TMEM132C: variants seen among roughly 807,000 people sequenced by gnomAD.
The protein encoded by TMEM132C is transmembrane protein 132C.
TMEM132C carries 29 observed loss-of-function variants against 61.4 expected under a neutral mutation model. That is an observed-to-expected ratio of 0.47 (90% CI 0.35 to 0.64). TMEM132C has a LOEUF of 0.64. TMEM132C is among the 30% of genes least tolerant of loss of function. The pLI is 0.00. For missense variants in TMEM132C, 1,408 were observed against 1,476.9 expected, an observed-to-expected ratio of 0.95 and a Z score of 0.76; for synonymous variants, 656 against 633.1, an observed-to-expected ratio of 1.04 and a Z score of -0.54.
At chr12:128,420,180 G>C (rs138364982) in intron 2 of TMEM132C, among the ~76,000 whole-genome samples, 1 of 152,128 alleles carries the variant, frequency 6.6e-6, no homozygotes, top group African/African-American at 2.4e-5. Flanking sequence ...TGGGTGACAA[G>C]AGTGACACTC....
At chr12:128,485,735 C>A (rs1237679807) in intron 2 of TMEM132C, among the ~76,000 whole-genome samples, 4 of 152,188 alleles carry the variant, frequency 2.6e-5, no homozygotes, top group African/African-American at 9.7e-5. Context: ...ATGCAATGAA[C>A]CTCCAGTCTC....
chr12:128,330,216 G>A (rs1048249687), intron 1 of TMEM132C, among the ~76,000 whole-genome samples: 2 of 152,140 alleles, frequency 1.3e-5, no homozygotes, highest in Admixed American at 6.6e-5. Context: ...CCCCCAGCAT[G>A]TGCACATAAA....
intron 5 of TMEM132C, among the ~76,000 whole-genome samples, chr12:128,692,886 T>C (rs77784075): frequency 0.016 from 2,506 of 152,308 alleles, 70 homozygotes; most frequent in East Asian, 0.1. Context: ...TTCTGCTTTG[T>C]CTCATCCCTT....
At chr12:128,532,620 G>A (rs1490256179) in intron 2 of TMEM132C, among the ~76,000 whole-genome samples, 1 of 116,850 alleles carries the variant, frequency 8.6e-6, no homozygotes, top group Non-Finnish European at 1.6e-5. Flanking sequence ...CAGCCTGGGT[G>A]ACAGAGTGAG....
chr12:128,290,774 A>G (rs1212457427), intron 1 of TMEM132C, among the ~76,000 whole-genome samples: 1 of 152,020 alleles, frequency 6.6e-6, no homozygotes, highest in Non-Finnish European at 1.5e-5. Flanking sequence ...ATGATCCCTT[A>G]AAGATCCTGT....
intron 4 of TMEM132C, among the ~76,000 whole-genome samples, chr12:128,629,962 G>A (rs1368107700): frequency 1.3e-4 from 17 of 129,648 alleles, no homozygotes; most frequent in African/African-American, 4.3e-4. Flanking sequence ...GCAAAACTCC[G>A]TCTAAATTAA....
chr12:128,359,041 C>T (rs1259109842), intron 1 of TMEM132C, among the ~76,000 whole-genome samples: 1 of 152,128 alleles, frequency 6.6e-6, no homozygotes, highest in African/African-American at 2.4e-5. Flanking sequence ...TAATAGTATT[C>T]CATCTTACAG....
At chr12:128,321,439 G>T (rs1872330225) in intron 1 of TMEM132C, among the ~76,000 whole-genome samples, 1 of 152,186 alleles carries the variant, frequency 6.6e-6, no homozygotes, top group Non-Finnish European at 1.5e-5. Context: ...CAAAATGTCA[G>T]AAATGGAGAA....
intron 5 of TMEM132C, among the ~76,000 whole-genome samples, chr12:128,675,255 A>C (rs1407406787): frequency 6.6e-6 from 1 of 152,148 alleles, no homozygotes; most frequent in East Asian, 1.9e-4. Context: ...AGAAGAGGTA[A>C]ACATGCGAGA....
chr12:128,309,630 C>CAAT (rs144030210), intron 1 of TMEM132C, among the ~76,000 whole-genome samples: 4,445 of 152,262 alleles, frequency 0.029, 213 homozygotes, highest in African/African-American at 0.1. Flanking sequence ...TGGAATCCTA[C>CAAT]AATATGTGAC....
chr12:128,632,565 G>T (rs1421457901), intron 4 of TMEM132C, among the ~76,000 whole-genome samples: 3 of 152,202 alleles, frequency 2.0e-5, no homozygotes. Context: ...AAAGTCCCAG[G>T]TGAGTGGAGG....
Position 128,484,156 on chromosome 12 carries a change from G to A in TMEM132C, c.975-59801G>A, listed in dbSNP as rs899949461. 7.2e-5 allele frequency among the ~76,000 whole-genome samples: 11 copies of A among 152,306 alleles called. No homozygotes were observed. The East Asian group carries it at 7.7e-4, about 11-fold the overall frequency. On this transcript the variant is annotated intron_variant, in intron 2 of 8. Coordinates refer to ENST00000435159, the MANE Select transcript of TMEM132C (RefSeq NM_001136103.3). ...TGTTGTTATATGTTTGCCAGTGCAC[G>A]AGGATGAAGCTATCACTGGTCTCAA...
At chr12:128,518,500 G>A (rs982909226) in intron 2 of TMEM132C, among the ~76,000 whole-genome samples, 19 of 152,278 alleles carry the variant, frequency 1.2e-4, no homozygotes, top group Middle Eastern at 6.8e-3. Context: ...ACAACAGAAC[G>A]GGACCTGATG....
At chr12:128,410,593 A>G (rs1461505172) in intron 1 of TMEM132C, among the ~76,000 whole-genome samples, 1 of 151,804 alleles carries the variant, frequency 6.6e-6, no homozygotes, top group Non-Finnish European at 1.5e-5. Flanking sequence ...TTTAGTAGAG[A>G]CGGGGTTTCA....
chr12:128,267,745 C>T (rs556485476), intron 1 of TMEM132C, among the ~76,000 whole-genome samples: 2 of 152,318 alleles, frequency 1.3e-5, no homozygotes, highest in African/African-American at 4.8e-5. Flanking sequence ...CCCAGAGCTG[C>T]CCCGCGGATG....
At chr12:128,446,733 T>C (rs1869994115) in intron 2 of TMEM132C, among the ~76,000 whole-genome samples, 1 of 152,124 alleles carries the variant, frequency 6.6e-6, no homozygotes, top group Non-Finnish European at 1.5e-5. Flanking sequence ...AGGGCTGGGG[T>C]AATTCAGCCA....
intron 1 of TMEM132C, among the ~76,000 whole-genome samples, chr12:128,387,057 C>T (rs1353728500): frequency 1.4e-5 from 2 of 144,966 alleles, no homozygotes; most frequent in East Asian, 2.1e-4. Context: ...AGAAGGATTG[C>T]TTGAGCCTAG....
chr12:128,437,465 A>T (rs1189980148), intron 2 of TMEM132C, among the ~76,000 whole-genome samples: 1 of 152,174 alleles, frequency 6.6e-6, no homozygotes, highest in Non-Finnish European at 1.5e-5. Flanking sequence ...CCCAGGGCTC[A>T]CAAGATGGCC....
chr12:128,430,198 C>T (rs1216937331), intron 2 of TMEM132C, among the ~76,000 whole-genome samples: 3 of 152,196 alleles, frequency 2.0e-5, no homozygotes, highest in Admixed American at 1.3e-4. Context: ...TGATTTTTCA[C>T]CCCACTTCGC....
Sources: allele counts gnomAD v4.1 joint callset (sites outside exome capture counted in the v4.1 genomes callset), GRCh38; gene constraint gnomAD v4.1.1; transcripts MANE v1.5; gene names NCBI Gene and HGNC (gene_info 2026-07-23, HGNC 2026-07-21).